The following AP1G1 variants were observed in gnomAD, a reference collection of about 807,000 sequenced individuals.
The protein encoded by AP1G1 is AP-1 complex subunit gamma-1.
A neutral mutation model predicts 108.3 loss-of-function variants in AP1G1; 7 were observed. The observed-to-expected ratio is 0.06, with a 90% CI of 0.04 to 0.12. The LOEUF (loss-of-function observed/expected upper bound fraction) is 0.12. AP1G1 is among the 10% of genes least tolerant of loss of function. The probability of loss-of-function intolerance (pLI) is 1.00; values close to 1 mark genes in which losing one functional copy is unlikely to be tolerated. For synonymous variants in AP1G1, 379 were observed against 353.5 expected, an observed-to-expected ratio of 1.07 and a Z score of -0.81; for missense variants, 756 against 1,010.7, an observed-to-expected ratio of 0.75 and a Z score of 3.42.
chr16:71,746,966 A>G (rs1325638717), intron 16 of AP1G1: 3 of 234,566 alleles, frequency 1.3e-5, no homozygotes, highest in Admixed American at 1.1e-4. Flanking sequence ...ACATATATAT[A>G]TGCCACTCCC....
intron 16 of AP1G1, among the ~76,000 whole-genome samples, chr16:71,747,863 G>C (rs1342079243): frequency 6.6e-6 from 1 of 152,026 alleles, no homozygotes; most frequent in Non-Finnish European, 1.5e-5. Flanking sequence ...TGCACTTATA[G>C]TCCCAGCTCC....
intron 6 of AP1G1, among the ~76,000 whole-genome samples, chr16:71,767,234 C>T (rs936902017): frequency 1.3e-5 from 2 of 152,174 alleles, no homozygotes; most frequent in African/African-American, 2.4e-5. Context: ...GTTCAGCATA[C>T]AATTCTTGGA....
In AP1G1 at chr16:71,732,790, G is replaced by A; in HGVS notation, c.*268C>T. The A allele has an allele frequency of 6.0e-6, 2 of 335,832 alleles. No homozygotes were observed. The highest frequency in any genetic ancestry group is 1.0e-4 in the East Asian group (2 of 19,460). 20.8% of individuals were successfully genotyped at this position (335,832 alleles called of 1,614,324 possible). A position where few individuals can be genotyped will look rare whatever the true frequency, so the allele number is the denominator to read the frequency against. On this transcript the variant is annotated 3_prime_UTR_variant, in exon 23 of 23. Transcript: ENST00000299980. ...GGGAATGTTGATTCTGGCTGTAAAT[G>A]TGGGAGGGGTGGAGAAGTGCGGAAA...
At chr16:71,800,694 G>A (rs1449881914) in intron 1 of AP1G1, among the ~76,000 whole-genome samples, 3 of 151,972 alleles carry the variant, frequency 2.0e-5, no homozygotes, top group African/African-American at 4.8e-5. Context: ...CCAGCTACTC[G>A]GGAGGCTGAC....
Position 71,769,825 on chromosome 16 carries a change from A to C in AP1G1, c.566-126T>G, listed in dbSNP as rs2031499871. Reference sequence around the variant, plus strand: ...GCTACTTTTGCTTTTTAATCCCCCAAAGCATCTAAGCATTGAAGTGAATAC... The same window carrying C: ...GCTACTTTTGCTTTTTAATCCCCCACAGCATCTAAGCATTGAAGTGAATAC... On this transcript the variant is annotated intron_variant, in intron 5 of 22. Transcript: ENST00000299980. 15 of 656,174 alleles carry C rather than the reference A, an allele frequency of 2.3e-5. No homozygotes were observed. In the South Asian group the frequency reaches 2.5e-4, roughly 11 times the overall value. 40.6% of individuals were successfully genotyped at this position (656,174 alleles called of 1,614,324 possible). A position where few individuals can be genotyped will look rare whatever the true frequency, so the allele number is the denominator to read the frequency against.
At chr16:71,767,743 A>G in intron 6 of AP1G1, 1 of 854,706 alleles carries the variant, frequency 1.2e-6, no homozygotes, top group Admixed American at 2.5e-5. Context: ...CAAAGATGGT[A>G]GAACAATAAC....
At chr16:71,777,122 A>C (rs1404105777) in intron 2 of AP1G1, among the ~76,000 whole-genome samples, 1 of 149,638 alleles carries the variant, frequency 6.7e-6, no homozygotes, top group Non-Finnish European at 1.5e-5. Flanking sequence ...AAAAAAAAAA[A>C]AAAAAAAAAA....
intron 2 of AP1G1, among the ~76,000 whole-genome samples, chr16:71,776,374 T>G (rs1235004031): frequency 6.6e-6 from 1 of 152,170 alleles, no homozygotes; most frequent in East Asian, 1.9e-4. Context: ...ATGGAAAAGA[T>G]TATGTAAGTA....
intron 1 of AP1G1, among the ~76,000 whole-genome samples, chr16:71,790,396 C>T (rs1359861896): frequency 1.4e-4 from 22 of 151,892 alleles, no homozygotes; most frequent in Admixed American, 1.3e-3. Flanking sequence ...CAAAATTAGC[C>T]GGCCATGGTG....
At chr16:71,746,494 T>C (rs1301221103) in intron 17 of AP1G1, 94 bp downstream of exon 17, 11 of 755,542 alleles carry the variant, frequency 1.5e-5, no homozygotes, top group Non-Finnish European at 2.3e-5. Flanking sequence ...GAACAATTAA[T>C]AAAGCACAAG....
chr16:71,753,864 T>C lies in AP1G1; in HGVS notation c.1253A>G (p.His418Arg). 6.2e-7 allele frequency: 1 copy of C among 1,614,066 alleles called. No homozygotes were observed. Among genetic ancestry groups the C allele is most frequent in the Non-Finnish European group, 8.5e-7 (1 of 1,179,984 alleles). ...AEKYAPSKRW[H>R]IDTIMRVLTT... ...CAAAACACGCATAATTGTGTCTATA[T>C]GCCATCGTTTGGAAGGTGCATACCT... is the stretch of plus-strand genomic sequence containing the variant. The change falls in exon 13 of 23, where the codon CAT becomes CGT. Residue 418 changes from histidine to arginine, a missense_variant. Transcript: ENST00000299980.
At position 71,738,218 on chromosome 16, in the gene AP1G1, T is replaced by C. The variant is rs550552107; in HGVS notation, c.2268+724A>G. 4.3e-3 allele frequency among the ~76,000 whole-genome samples: 500 copies of C among 115,654 alleles called. 7 individuals are homozygous for C. Among genetic ancestry groups the C allele is most frequent in the African/African-American group, 0.013 (473 of 37,146 alleles). 75.9% of individuals were successfully genotyped at this position (115,654 alleles called of 152,430 possible). A position where few individuals can be genotyped will look rare whatever the true frequency, so the allele number is the denominator to read the frequency against. On this transcript the variant is annotated intron_variant, in intron 21 of 22. Transcript: ENST00000299980. ...GGAACCTGCCATCACGCCCGGCTAA[T>C]TTTTTTTTTTTTTTGTACTTTTAGT... is the stretch of plus-strand genomic sequence containing the variant.
intron 4 of AP1G1, among the ~76,000 whole-genome samples, chr16:71,772,396 T>A (rs981451828): frequency 6.6e-6 from 1 of 152,238 alleles, no homozygotes; most frequent in East Asian, 1.9e-4. Flanking sequence ...CCCAAAGTGC[T>A]GGGATTACAG....
In AP1G1 at chr16:71,735,284, CTA is replaced by C. The variant is rs752256371; in HGVS notation, c.2269-579_2269-578del. Reference sequence around the variant, plus strand: ...GAACGGAAAGACTTGCAGAACCAGCCTATACAGCAAAAGACCTAGATAAGCCA... The same window carrying C: ...GAACGGAAAGACTTGCAGAACCAGCCTACAGCAAAAGACCTAGATAAGCCA... On this transcript the variant is annotated intron_variant, in intron 21 of 22. Transcript: ENST00000299980. 3.1e-4 allele frequency among the ~76,000 whole-genome samples: 47 copies of C among 152,300 alleles called. 2 individuals are homozygous for C. The East Asian group carries it at 4.4e-3, about 14-fold the overall frequency.
intron 1 of AP1G1, among the ~76,000 whole-genome samples, chr16:71,794,835 C>CCTTTTTTTTTTTTT (rs574266046): frequency 2.5e-5 from 1 of 39,632 alleles, no homozygotes; most frequent in South Asian, 1.4e-3. Context: ...ATGAGAAGTG[C>CCTTTTTTTTTTTTT]TTTTTTTTTT....
rs1412062876 is a variant in AP1G1 at position 71,736,961 on chromosome 16, C to A, written c.2268+1981G>T. Reference sequence around the variant, plus strand: ...CTGTACAGTACACCACCAAAAATGTCATGTTTTAATAGCAGAAGTGATAAG... The same window carrying A: ...CTGTACAGTACACCACCAAAAATGTAATGTTTTAATAGCAGAAGTGATAAG... On this transcript the variant is annotated intron_variant, in intron 21 of 22. Coordinates refer to ENST00000299980, the MANE Select transcript of AP1G1 (RefSeq NM_001128.6). Among the ~76,000 whole-genome samples, 4 of 152,064 alleles carry A rather than the reference C, an allele frequency of 2.6e-5. 1 individual carries two copies. The East Asian group carries it at 7.7e-4, about 29-fold the overall frequency.
chr16:71,801,215 G>A (rs1395866375), intron 1 of AP1G1, among the ~76,000 whole-genome samples: 1 of 151,868 alleles, frequency 6.6e-6, no homozygotes, highest in Non-Finnish European at 1.5e-5. Flanking sequence ...TCTGAGGCAG[G>A]AGAATCACTG....
At chr16:71,808,355 A>C (rs1597099522) in intron 1 of AP1G1, 2 of 827,704 alleles carry the variant, frequency 2.4e-6, no homozygotes, top group Non-Finnish European at 3.2e-6. Context: ...TATCTGACAG[A>C]CCTGACACGG....
At chr16:71,777,614 C>G (rs1375836921) in intron 2 of AP1G1, 1 of 426,852 alleles carries the variant, frequency 2.3e-6, no homozygotes, top group Non-Finnish European at 4.9e-6. Flanking sequence ...CATGCCGATG[C>G]CCCATTCTGT....
Sources: gnomAD v4.1 joint callset for allele counts (sites outside exome capture counted in the v4.1 genomes callset) on GRCh38, gnomAD v4.1.1 for gene constraint, MANE v1.5 for transcripts, NCBI Gene and HGNC (gene_info 2026-07-23, HGNC 2026-07-21) for gene names.